The following POU6F2 variants were observed in gnomAD, a reference collection of about 807,000 sequenced individuals.
POU6F2 encodes POU class 6 homeobox 2.
Under a neutral mutation model 71.3 loss-of-function variants are expected in POU6F2, and 31 were observed. The ratio of observed to expected loss-of-function variants is 0.43; its 90% CI spans 0.33 to 0.59. The LOEUF (loss-of-function observed/expected upper bound fraction) is 0.59. Among genes scored for constraint, POU6F2 ranks in the 20% least tolerant of loss-of-function variants. The probability of loss-of-function intolerance (pLI) is 0.04; values close to 1 mark genes in which losing one functional copy is unlikely to be tolerated. For synonymous variants in POU6F2, 347 were observed against 355.7 expected, an observed-to-expected ratio of 0.98 and a Z score of 0.27; for missense variants, 783 against 856.8, an observed-to-expected ratio of 0.91 and a Z score of 1.07.
rs538916555 is a variant in POU6F2 at position 38,991,228 on chromosome 7, C to T, written c.105+13170C>T. ...ATGTTTAGGAACAATTACCATTATA[C>T]AATAATAAAAAGATAAATACATGCC... On this transcript the variant is annotated intron_variant, in intron 1 of 9. Transcript: ENST00000518318. 2.6e-5 allele frequency among the ~76,000 whole-genome samples: 4 copies of T among 152,198 alleles called. 1 individual carries two copies. In the South Asian group the frequency reaches 8.3e-4, roughly 32 times the overall value.
At chr7:39,262,754 T>G (rs865800652) in intron 4 of POU6F2, among the ~76,000 whole-genome samples, 6 of 145,000 alleles carry the variant, frequency 4.1e-5, no homozygotes, top group East Asian at 2.0e-4. Flanking sequence ...TGTTGTTGTT[T>G]TTTCCAACCA....
At chr7:39,175,050 C>T (rs1793301598) in intron 2 of POU6F2, among the ~76,000 whole-genome samples, 1 of 152,044 alleles carries the variant, frequency 6.6e-6, no homozygotes, top group Non-Finnish European at 1.5e-5. Flanking sequence ...GGTTATGGTG[C>T]CACACTATCA....
intron 2 of POU6F2, among the ~76,000 whole-genome samples, chr7:39,188,902 A>C (rs963764882): frequency 1.3e-5 from 2 of 152,232 alleles, no homozygotes; most frequent in African/African-American, 2.4e-5. Context: ...GAAATTTATC[A>C]GGTATTCTGC....
chr7:39,108,810 TAACA>T (rs1294754299), intron 2 of POU6F2, among the ~76,000 whole-genome samples: 3 of 152,194 alleles, frequency 2.0e-5, no homozygotes, highest in African/African-American at 4.8e-5. Context: ...GAGTATGCAA[TAACA>T]AACAGATTTA....
intron 5 of POU6F2, among the ~76,000 whole-genome samples, chr7:39,388,735 T>C (rs1003731846): frequency 9.2e-5 from 14 of 152,248 alleles, no homozygotes; most frequent in African/African-American, 2.4e-4. Flanking sequence ...GAAAAGTCTT[T>C]ATTTTGCTGT....
chr7:39,328,690 A>G (rs1301257145), intron 4 of POU6F2, among the ~76,000 whole-genome samples: 1 of 152,224 alleles, frequency 6.6e-6, no homozygotes, highest in South Asian at 2.1e-4. Context: ...CACCTTCTCT[A>G]CTTGTAAAGG....
At chr7:39,255,535 A>T (rs192247415) in intron 4 of POU6F2, among the ~76,000 whole-genome samples, 37 of 152,328 alleles carry the variant, frequency 2.4e-4, no homozygotes, top group Admixed American at 1.4e-3. Flanking sequence ...GGGTATTAAT[A>T]ATAAATGACT....
intron 1 of POU6F2, among the ~76,000 whole-genome samples, chr7:38,980,804 G>T (rs558956585): frequency 6.6e-6 from 1 of 152,210 alleles, no homozygotes; most frequent in South Asian, 2.1e-4. Context: ...TTCCCATGAA[G>T]TATGAGCTTT....
chr7:39,270,738 TTATC>T (rs1784325315), intron 4 of POU6F2, among the ~76,000 whole-genome samples: 1 of 152,092 alleles, frequency 6.6e-6, no homozygotes, highest in Admixed American at 6.5e-5. Flanking sequence ...CACTCAAACT[TTATC>T]TTTCTATCAA....
intron 7 of POU6F2, among the ~76,000 whole-genome samples, chr7:39,450,144 A>G (rs928918053): frequency 3.3e-5 from 5 of 152,344 alleles, no homozygotes; most frequent in Non-Finnish European, 1.5e-5. Context: ...ATGAACACAC[A>G]CACACTGGGA....
intron 4 of POU6F2, among the ~76,000 whole-genome samples, chr7:39,214,172 C>T (rs1256166878): frequency 6.6e-6 from 1 of 152,140 alleles, no homozygotes; most frequent in Admixed American, 6.5e-5. Flanking sequence ...TTCTTGTTCC[C>T]TACACCCTTC....
At chr7:39,245,523 T>C (rs1783805258) in intron 4 of POU6F2, among the ~76,000 whole-genome samples, 1 of 152,224 alleles carries the variant, frequency 6.6e-6, no homozygotes, top group African/African-American at 2.4e-5. Context: ...TGGTTTTTTA[T>C]CAACTTTTTA....
chr7:39,335,263 T>C (rs1785746244), intron 4 of POU6F2, among the ~76,000 whole-genome samples: 1 of 152,230 alleles, frequency 6.6e-6, no homozygotes, highest in South Asian at 2.1e-4. Context: ...TTATAATAAC[T>C]CGTGGCTCAT....
intron 4 of POU6F2, among the ~76,000 whole-genome samples, chr7:39,299,603 TG>T (rs1318988185): frequency 1.3e-5 from 2 of 152,222 alleles, no homozygotes; most frequent in African/African-American, 4.8e-5. Context: ...AAGTTTGATA[TG>T]GGCTTCATTC....
chr7:39,178,388 T>C (rs1296763549), intron 2 of POU6F2, among the ~76,000 whole-genome samples: 3 of 152,216 alleles, frequency 2.0e-5, no homozygotes, highest in Non-Finnish European at 2.9e-5. Context: ...AAGTATTCAT[T>C]GAGTTTTACA....
chr7:39,422,100 A>G (rs1399800011), intron 6 of POU6F2, among the ~76,000 whole-genome samples: 2 of 152,196 alleles, frequency 1.3e-5, no homozygotes, highest in African/African-American at 4.8e-5. Context: ...GAAAATGAAA[A>G]GAAACCATAG....
At chr7:39,286,827 A>G (rs1389963498) in intron 4 of POU6F2, among the ~76,000 whole-genome samples, 1 of 151,876 alleles carries the variant, frequency 6.6e-6, no homozygotes, top group African/African-American at 2.4e-5. Context: ...CAGTGGTATG[A>G]TCCTGGCTCA....
intron 1 of POU6F2, among the ~76,000 whole-genome samples, chr7:38,981,974 T>C (rs957348629): frequency 9.8e-5 from 15 of 152,306 alleles, no homozygotes; most frequent in African/African-American, 3.6e-4. Flanking sequence ...TACCATCCCT[T>C]GTTCCAAAAA....
chr7:39,007,346 G>A (rs1789102511), intron 1 of POU6F2, among the ~76,000 whole-genome samples: 1 of 152,124 alleles, frequency 6.6e-6, no homozygotes, highest in Non-Finnish European at 1.5e-5. Flanking sequence ...TATTTTGGGG[G>A]GAAGTTGGGT....
Sources: gnomAD v4.1 joint callset for allele counts (sites outside exome capture counted in the v4.1 genomes callset) on GRCh38, gnomAD v4.1.1 for gene constraint, MANE v1.5 for transcripts, NCBI Gene and HGNC (gene_info 2026-07-23, HGNC 2026-07-21) for gene names.